Variants in AIFM1 observed in about 807,000 individuals in gnomAD.
The protein encoded by AIFM1 is apoptosis inducing factor mitochondria associated 1, also known as apoptosis-inducing factor 1, mitochondrial.
A neutral mutation model predicts 51.7 loss-of-function variants in AIFM1; 3 were observed. That is an observed-to-expected ratio of 0.06 (90% CI 0.03 to 0.15). The LOEUF is 0.15. Ranked by LOEUF, AIFM1 falls within the 10% of genes least tolerant of loss-of-function variation. The probability of loss-of-function intolerance (pLI) is 1.00; values close to 1 mark genes in which losing one functional copy is unlikely to be tolerated. For missense variants in AIFM1, 330 were observed against 476.8 expected, an observed-to-expected ratio of 0.69 and a Z score of 2.87; for synonymous variants, 178 against 179.4, an observed-to-expected ratio of 0.99 and a Z score of 0.06.
intron 7 of AIFM1, 40 bp from the exon 8 acceptor site, chrX:130,139,911 A>G: frequency 9.0e-7 from 1 of 1,108,328 alleles, no homozygotes. Flanking sequence ...CCCAACAAGC[A>G]GGAGCCAGCC....
chrX:130,144,613 C>T (rs1214925934), intron 6 of AIFM1, among the ~76,000 whole-genome samples: 2 of 111,632 alleles, frequency 1.8e-5, no homozygotes, highest in Admixed American at 1.9e-4. Context: ...TCTGTAAGAC[C>T]TTCTCCTCCA....
intron 13 of AIFM1, among the ~76,000 whole-genome samples, chrX:130,132,742 C>CTTTT (rs898776932): frequency 5.7e-5 from 4 of 69,855 alleles, no homozygotes; most frequent in African/African-American, 1.9e-4. Context: ...TCTGACACTC[C>CTTTT]TTTTTTTTTT....
At chrX:130,164,117 G>A (rs1360644488) in intron 1 of AIFM1, among the ~76,000 whole-genome samples, 1 of 104,633 alleles carries the variant, frequency 9.6e-6, no homozygotes, top group African/African-American at 3.5e-5. Context: ...GCAGTGAGCC[G>A]AGATCGCGCC....
chrX:130,139,943 C>T (rs1444420548), intron 7 of AIFM1, 72 bp from the exon 8 acceptor site: 1 of 886,659 alleles, frequency 1.1e-6, no homozygotes, highest in Non-Finnish European at 1.7e-6. Context: ...CCCTCCACCA[C>T]ACAAAGGTGG....
chrX:130,155,367 G>T, intron 2 of AIFM1: 1 of 1,116,104 alleles, frequency 9.0e-7, no homozygotes, highest in Non-Finnish European at 1.2e-6. Flanking sequence ...CAATACAAAG[G>T]CAGAGAAGCA....
At chrX:130,159,791 CA>C (rs1178823940) in intron 1 of AIFM1, among the ~76,000 whole-genome samples, 18 of 90,024 alleles carry the variant, frequency 2.0e-4, no homozygotes, top group African/African-American at 4.1e-4. Flanking sequence ...CTCAATTTGC[CA>C]AAAAAAAAAG....
At chrX:130,135,678 A>G (rs2030305767) in intron 12 of AIFM1, among the ~76,000 whole-genome samples, 1 of 111,752 alleles carries the variant, frequency 8.9e-6, no homozygotes, top group African/African-American at 3.3e-5. Flanking sequence ...GGAACAGGTT[A>G]TAACATTGCT....
intron 12 of AIFM1, among the ~76,000 whole-genome samples, chrX:130,135,439 T>TAAAAA (rs1556260137): frequency 4.1e-5 from 3 of 72,964 alleles, no homozygotes; most frequent in African/African-American, 1.8e-4. Context: ...TTTTTTTTTT[T>TAAAAA]AAAAAAAAAA....
chrX:130,132,872 G>A (rs2030157208), intron 13 of AIFM1, among the ~76,000 whole-genome samples: 1 of 108,289 alleles, frequency 9.2e-6, no homozygotes. Flanking sequence ...TCAGCCTACC[G>A]AGTAGCTGGG....
intron 2 of AIFM1, among the ~76,000 whole-genome samples, chrX:130,156,204 A>G (rs983292462): frequency 4.5e-5 from 5 of 112,072 alleles, no homozygotes; most frequent in Non-Finnish European, 9.4e-5. Context: ...ATCTAGGAAA[A>G]CATAGTGGCT....
intron 2 of AIFM1, among the ~76,000 whole-genome samples, chrX:130,149,923 C>G (rs2030900981): frequency 8.9e-6 from 1 of 111,998 alleles, no homozygotes; most frequent in African/African-American, 3.2e-5. Flanking sequence ...ATATGAAGCA[C>G]AGAAACGGGG....
At chrX:130,157,768 C>T (rs992776539) in intron 1 of AIFM1, among the ~76,000 whole-genome samples, 2 of 104,750 alleles carry the variant, frequency 1.9e-5, no homozygotes, top group Admixed American at 1.0e-4. Flanking sequence ...AGATCGAGAC[C>T]ATCCTGGCCA....
intron 2 of AIFM1, among the ~76,000 whole-genome samples, chrX:130,153,902 C>G (rs190571774): frequency 1.8e-5 from 2 of 112,141 alleles, no homozygotes; most frequent in Admixed American, 1.9e-4. Flanking sequence ...TTTGTTATGG[C>G]AGCCCAAGAA....
intron 8 of AIFM1, among the ~76,000 whole-genome samples, chrX:130,139,028 C>T (rs2030478857): frequency 9.0e-6 from 1 of 111,163 alleles, no homozygotes; most frequent in Non-Finnish European, 1.9e-5. Context: ...TAACATACTA[C>T]AATGGCATAA....
At chrX:130,133,599 A>C (rs1190284693) in intron 12 of AIFM1, 144 bp from the exon 13 acceptor site, 14 of 762,568 alleles carry the variant, frequency 1.8e-5, no homozygotes, top group Non-Finnish European at 2.3e-5. Flanking sequence ...GTTGTACTTA[A>C]ACTAACAAAA....
At chrX:130,151,589 T>G (rs1258902567) in intron 2 of AIFM1, among the ~76,000 whole-genome samples, 1 of 112,314 alleles carries the variant, frequency 8.9e-6, no homozygotes, top group Non-Finnish European at 1.9e-5. Flanking sequence ...AGTTAAGTAC[T>G]GTATGGGAAA....
At chrX:130,137,746 G>A in intron 9 of AIFM1, 1 of 1,028,329 alleles carries the variant, frequency 9.7e-7, no homozygotes, top group South Asian at 3.2e-5. Flanking sequence ...GGCATAGAGG[G>A]TAGAGGAAAA....
Position 130,137,811 on chromosome X carries a change from C to T in AIFM1, c.968-626G>A. ...GGTGCAGTGACTCACACCTATAATCCCAGCACTTTGGGTGGCCGAGGTGGG... is the reference window on the plus strand; with the variant it reads ...GGTGCAGTGACTCACACCTATAATCTCAGCACTTTGGGTGGCCGAGGTGGG... On this transcript the variant is annotated intron_variant, in intron 9 of 15. Coordinates refer to ENST00000287295, the MANE Select transcript of AIFM1 (RefSeq NM_004208.4). 3.4e-6 allele frequency: 3 copies of T among 893,961 alleles called. No individual in the cohort carries two copies. In the South Asian group the frequency reaches 1.4e-4, roughly 41 times the overall value. The allele number at this position is 893,961 out of a possible 1,213,427, so 73.7% of individuals were successfully genotyped here.
chrX:130,149,076 C>T (rs757172411), intron 3 of AIFM1, among the ~76,000 whole-genome samples: 14 of 107,622 alleles, frequency 1.3e-4, no homozygotes, highest in African/African-American at 4.4e-4. Flanking sequence ...CGTGCACCAC[C>T]ACGCCTGGCT....
Sources: gnomAD v4.1 joint callset for allele counts (sites outside exome capture counted in the v4.1 genomes callset) on GRCh38, gnomAD v4.1.1 for gene constraint, MANE v1.5 for transcripts, NCBI Gene and HGNC (gene_info 2026-07-23, HGNC 2026-07-21) for gene names.